ARHGAP5: variants seen among roughly 807,000 people sequenced by gnomAD.
ARHGAP5 encodes Rho GTPase activating protein 5, also known as rho GTPase-activating protein 5.
ARHGAP5 carries 23 observed loss-of-function variants against 116.6 expected under a neutral mutation model. The ratio of observed to expected loss-of-function variants is 0.20; its 90% confidence interval spans 0.14 to 0.28. The LOEUF (loss-of-function observed/expected upper bound fraction) is 0.28, where lower values mean the gene tolerates loss of function less well. Ranked by LOEUF, ARHGAP5 falls within the 10% of genes least tolerant of loss-of-function variation. The probability of loss-of-function intolerance (pLI) is 1.00; values close to 1 mark genes in which losing one functional copy is unlikely to be tolerated. For missense variants in ARHGAP5, 1,405 were observed against 1,774.8 expected (o/e 0.79, Z 3.74); for synonymous variants, 574 against 602.0 (o/e 0.95, Z 0.68).
At chr14:32,137,957 G>A (rs1880897447) in intron 3 of ARHGAP5, among the ~76,000 whole-genome samples, 1 of 146,762 alleles carries the variant, frequency 6.8e-6, no homozygotes, top group African/African-American at 2.5e-5. Context: ...GGGGACAAGA[G>A]TGAGGCTTCG....
rs1008058690 is a variant in ARHGAP5, at chr14:32,120,503, A to G, written c.3865+3216A>G. On this transcript the variant is annotated intron_variant, in intron 3 of 6. Transcript: ENST00000345122. ...TTAGACCAGTTTTCTTTTCTAGTGTAAATATTTAATGGTCCAGATTTTCCT... is the reference window on the plus strand; with the variant it reads ...TTAGACCAGTTTTCTTTTCTAGTGTGAATATTTAATGGTCCAGATTTTCCT... Among the ~76,000 whole-genome samples the G allele has an allele frequency of 1.6e-4, 24 of 152,064 alleles. No homozygotes were observed. The East Asian group carries it at 3.1e-3, about 20-fold the overall frequency.
At chr14:32,085,374 C>T (rs2041818399) in intron 1 of ARHGAP5, among the ~76,000 whole-genome samples, 1 of 152,108 alleles carries the variant, frequency 6.6e-6, no homozygotes, top group Admixed American at 6.5e-5. Context: ...CACCTGAGCG[C>T]AGGAGTTCGA....
At chr14:32,110,393 C>G (rs960450775) in intron 2 of ARHGAP5, among the ~76,000 whole-genome samples, 1 of 151,372 alleles carries the variant, frequency 6.6e-6, no homozygotes, top group African/African-American at 2.4e-5. Flanking sequence ...CCCCTAAGCT[C>G]AAGCTGTCCT....
At chr14:32,077,760 GC>G in intron 1 of ARHGAP5, among the ~76,000 whole-genome samples, 1 of 152,138 alleles carries the variant, frequency 6.6e-6, no homozygotes. Context: ...GTCCGCTCTC[GC>G]CCGCCGCCTC....
chr14:32,117,319 A>G, intron 3 of ARHGAP5, 32 bp downstream of exon 3: 1 of 1,533,548 alleles, frequency 6.5e-7, no homozygotes, highest in Non-Finnish European at 8.8e-7. Context: ...AAGAGATTTG[A>G]TTTTAAATTT....
chr14:32,135,013 G>C (rs1407046147), intron 3 of ARHGAP5, among the ~76,000 whole-genome samples: 4 of 151,986 alleles, frequency 2.6e-5, no homozygotes, highest in Non-Finnish European at 4.4e-5. Context: ...TTCACCCATT[G>C]TGCCCACATA....
intron 1 of ARHGAP5, among the ~76,000 whole-genome samples, chr14:32,081,548 C>CA (rs529516365): frequency 0.11 from 5,419 of 47,356 alleles, 380 homozygotes; most frequent in African/African-American, 0.22. Flanking sequence ...GACTCCTTCT[C>CA]AAAAAAAAAA....
chr14:32,141,221 T>C (rs1337917968), intron 3 of ARHGAP5, among the ~76,000 whole-genome samples: 3 of 152,198 alleles, frequency 2.0e-5, no homozygotes, highest in African/African-American at 7.2e-5. Flanking sequence ...GATTGTCTTA[T>C]AGACTGTGTA....
intron 1 of ARHGAP5, among the ~76,000 whole-genome samples, chr14:32,083,320 A>G (rs1290754901): frequency 6.6e-6 from 1 of 152,282 alleles, no homozygotes; most frequent in Admixed American, 6.5e-5. Flanking sequence ...AAATTTTCCT[A>G]AGTAAAGTTT....
At chr14:32,078,580 A>G (rs922265295) in intron 1 of ARHGAP5, among the ~76,000 whole-genome samples, 1 of 152,112 alleles carries the variant, frequency 6.6e-6, no homozygotes, top group Non-Finnish European at 1.5e-5. Context: ...CGCTGTATTT[A>G]CTAGTACTTG....
chr14:32,095,146 A>G (rs779210181), intron 2 of ARHGAP5, among the ~76,000 whole-genome samples: 2 of 152,192 alleles, frequency 1.3e-5, no homozygotes, highest in Non-Finnish European at 2.9e-5. Flanking sequence ...TTTTATGCTA[A>G]TGTGTTGGTC....
chr14:32,147,426 A>G (rs1881427873), intron 4 of ARHGAP5, among the ~76,000 whole-genome samples: 2 of 152,242 alleles, frequency 1.3e-5, no homozygotes, highest in South Asian at 4.1e-4. Flanking sequence ...TTAATGATAA[A>G]AATTAAAGGA....
intron 3 of ARHGAP5, among the ~76,000 whole-genome samples, chr14:32,142,004 A>G (rs1881148246): frequency 6.6e-6 from 1 of 152,086 alleles, no homozygotes; most frequent in African/African-American, 2.4e-5. Flanking sequence ...ACTCCTTCTG[A>G]CTGCTCATGT....
intron 2 of ARHGAP5, among the ~76,000 whole-genome samples, chr14:32,096,156 C>A (rs2139028207): frequency 6.6e-6 from 1 of 151,292 alleles, no homozygotes; most frequent in South Asian, 2.1e-4. Context: ...TTTTTTTAAG[C>A]CCTTTGAGAT....
intron 2 of ARHGAP5, among the ~76,000 whole-genome samples, chr14:32,109,557 A>T (rs1879185693): frequency 6.6e-6 from 1 of 152,096 alleles, no homozygotes; most frequent in South Asian, 2.1e-4. Flanking sequence ...CAAAATTATA[A>T]ATTATATTAA....
At chr14:32,133,463 A>G (rs1393059108) in intron 3 of ARHGAP5, among the ~76,000 whole-genome samples, 2 of 152,242 alleles carry the variant, frequency 1.3e-5, no homozygotes, top group Non-Finnish European at 2.9e-5. Flanking sequence ...GTTGCTTATC[A>G]GCTTGAGGAG....
intron 2 of ARHGAP5, among the ~76,000 whole-genome samples, chr14:32,113,256 T>C (rs1566670222): frequency 6.6e-6 from 1 of 152,372 alleles, no homozygotes; most frequent in East Asian, 1.9e-4. Flanking sequence ...AAAGGAATCG[T>C]ATACATTTTT....
intron 3 of ARHGAP5, among the ~76,000 whole-genome samples, chr14:32,122,469 C>T (rs755427988): frequency 3.9e-5 from 6 of 152,274 alleles, no homozygotes; most frequent in East Asian, 1.9e-4. Flanking sequence ...TCATTTTTTA[C>T]AACTTCTTGA....
At chr14:32,143,316 C>T (rs1362806972) in intron 3 of ARHGAP5, among the ~76,000 whole-genome samples, 3 of 149,482 alleles carry the variant, frequency 2.0e-5, no homozygotes, top group Non-Finnish European at 4.5e-5. Flanking sequence ...GATCTCGGCT[C>T]ACTGCAACCT....
Sources: allele counts gnomAD v4.1 joint callset (sites outside exome capture counted in the v4.1 genomes callset), GRCh38; gene constraint gnomAD v4.1.1; transcripts MANE v1.5; gene names NCBI Gene and HGNC (gene_info 2026-07-23, HGNC 2026-07-21).